FAM184A: variants seen among roughly 807,000 people sequenced by gnomAD.
FAM184A encodes the protein protein FAM184A.
In FAM184A, 99 loss-of-function variants were observed where a neutral mutation model predicts 143.8. The observed-to-expected ratio is 0.69, with a 90% CI of 0.58 to 0.81. FAM184A has a LOEUF of 0.81. Ranked by LOEUF, FAM184A falls within the 40% of genes least tolerant of loss-of-function variation. The pLI is 0.00. For synonymous variants in FAM184A, 427 were observed against 446.4 expected (o/e 0.96, Z 0.55); for missense variants, 1,217 against 1,310.5 (o/e 0.93, Z 1.10).
intron 1 of FAM184A, among the ~76,000 whole-genome samples, chr6:119,141,738 A>G (rs1023531890): frequency 3.3e-5 from 5 of 152,000 alleles, no homozygotes; most frequent in African/African-American, 1.2e-4. Context: ...TGGCCTCCCA[A>G]AGTGCTGGGA....
intron 1 of FAM184A, among the ~76,000 whole-genome samples, chr6:119,140,170 G>T (rs778698531): frequency 6.6e-6 from 1 of 152,248 alleles, no homozygotes; most frequent in African/African-American, 2.4e-5. Context: ...AAGAAGGCAA[G>T]GTCATCCAGG....
At chr6:119,082,412 G>T (rs753225954), upstream of FAM184A, among the ~76,000 whole-genome samples, 5 of 152,170 alleles carry the variant, frequency 3.3e-5, no homozygotes, top group Non-Finnish European at 7.3e-5. Context: ...TAACCCAAAA[G>T]TCCAAGCCCA....
In FAM184A at chr6:118,961,983, T is replaced by C. The variant is rs1464599244; in HGVS notation, c.3139-20A>G. ...CTTTTGCTGCATTAAAAATAATACA[T>C]GTGAGGATAGTCCCTGCATGAGGAC... On this transcript the variant is annotated intron_variant, in intron 16 of 17. Coordinates refer to ENST00000338891, the MANE Select transcript of FAM184A (RefSeq NM_024581.6). 6.2e-7 allele frequency: 1 copy of C among 1,605,800 alleles called. No individual in the cohort carries two copies. The highest frequency in any genetic ancestry group is 8.5e-7 in the Non-Finnish European group (1 of 1,172,724).
At chr6:119,006,389 G>T in intron 7 of FAM184A, 58 bp downstream of exon 7, 1 of 1,544,788 alleles carries the variant, frequency 6.5e-7, no homozygotes, top group South Asian at 1.2e-5. Flanking sequence ...TAGGTCAAAT[G>T]GCTAAATTCT....
intron 1 of FAM184A, among the ~76,000 whole-genome samples, chr6:119,088,326 AACAG>A (rs947252460): frequency 6.6e-6 from 1 of 152,238 alleles, no homozygotes; most frequent in Non-Finnish European, 1.5e-5. Context: ...CATTCCAGTG[AACAG>A]ACAATCAGAG....
intron 1 of FAM184A, among the ~76,000 whole-genome samples, chr6:119,051,662 A>AT (rs946353284): frequency 2.0e-5 from 3 of 151,892 alleles, no homozygotes; most frequent in Non-Finnish European, 4.4e-5. Flanking sequence ...TACCCACAAA[A>AT]TTTTTTTTTA....
At chr6:119,061,376 G>C (rs1211232147) in intron 1 of FAM184A, among the ~76,000 whole-genome samples, 7 of 151,732 alleles carry the variant, frequency 4.6e-5, no homozygotes, top group African/African-American at 1.7e-4. Context: ...TTTTAATAGA[G>C]ACAAGGTCAC....
At chr6:118,965,226 T>C (rs1388845149) in intron 15 of FAM184A, among the ~76,000 whole-genome samples, 1 of 138,664 alleles carries the variant, frequency 7.2e-6, no homozygotes, top group African/African-American at 2.7e-5. Flanking sequence ...TTTTTTGGTG[T>C]GTGTAGAGGT....
intron 9 of FAM184A, among the ~76,000 whole-genome samples, chr6:118,984,523 G>C (rs1271696287): frequency 2.0e-5 from 3 of 152,000 alleles, no homozygotes; most frequent in African/African-American, 7.2e-5. Flanking sequence ...CCTCTATAAT[G>C]GTGTTTGTGG....
chr6:119,104,352 G>A (rs1485669332), intron 1 of FAM184A, among the ~76,000 whole-genome samples: 3 of 152,188 alleles, frequency 2.0e-5, no homozygotes, highest in Non-Finnish European at 2.9e-5. Context: ...AAATGCCACC[G>A]CAAGAAAAAC....
intron 1 of FAM184A, among the ~76,000 whole-genome samples, chr6:119,043,597 G>A (rs1288327431): frequency 1.3e-5 from 2 of 151,336 alleles, no homozygotes; most frequent in South Asian, 2.1e-4. Flanking sequence ...AGCTACTAGG[G>A]TAAGGGCAAC....
intron 1 of FAM184A, among the ~76,000 whole-genome samples, chr6:119,059,063 C>G (rs9374778): frequency 6.6e-6 from 1 of 152,122 alleles, no homozygotes; most frequent in Non-Finnish European, 1.5e-5. Flanking sequence ...CTGGCACAAT[C>G]TCAGCTCACT....
chr6:119,113,300 C>G (rs1184308096), intron 1 of FAM184A, among the ~76,000 whole-genome samples: 1 of 152,216 alleles, frequency 6.6e-6, no homozygotes, highest in African/African-American at 2.4e-5. Context: ...CCAGATCTCC[C>G]TGGCTCTCAA....
chr6:118,976,215 A>G (rs984557725), intron 11 of FAM184A, among the ~76,000 whole-genome samples, 171 bp from the exon 12 acceptor site: 4 of 152,228 alleles, frequency 2.6e-5, no homozygotes, highest in Non-Finnish European at 5.9e-5. Flanking sequence ...ACTACAATAT[A>G]CTATCATGAA....
chr6:119,069,245 T>G (rs1787591253), intron 1 of FAM184A: 3 of 189,272 alleles, frequency 1.6e-5, no homozygotes, highest in Admixed American at 1.2e-4. Context: ...GACCTATATA[T>G]TCTACTTCGG....
intron 4 of FAM184A, among the ~76,000 whole-genome samples, chr6:119,017,791 G>C (rs974858816): frequency 4.6e-5 from 7 of 152,188 alleles, no homozygotes; most frequent in Non-Finnish European, 1.0e-4. Context: ...GAGGTGTCTG[G>C]ATCATGGGGG....
chr6:119,010,371 T>G (rs180968545), intron 6 of FAM184A, among the ~76,000 whole-genome samples: 1 of 152,210 alleles, frequency 6.6e-6, no homozygotes, highest in Non-Finnish European at 1.5e-5. Flanking sequence ...GAGTGCTTAT[T>G]TCTTTATCGT....
intron 1 of FAM184A, chr6:119,025,656 G>A: frequency 1.9e-6 from 1 of 516,508 alleles, no homozygotes; most frequent in Middle Eastern, 3.2e-4. Flanking sequence ...TTCCTCGGAT[G>A]CCATCCATCA....
At chr6:119,089,156 C>T (rs1375099272) in intron 1 of FAM184A, among the ~76,000 whole-genome samples, 2 of 142,926 alleles carry the variant, frequency 1.4e-5, no homozygotes, top group African/African-American at 5.7e-5. Context: ...ATAGCTAACA[C>T]CTATTTTTTT....
Sources: gnomAD v4.1 joint callset for allele counts (sites outside exome capture counted in the v4.1 genomes callset) on GRCh38, gnomAD v4.1.1 for gene constraint, MANE v1.5 for transcripts, NCBI Gene and HGNC (gene_info 2026-07-23, HGNC 2026-07-21) for gene names.